CRB1: variants seen among roughly 807,000 people sequenced by gnomAD.
The protein encoded by CRB1 is crumbs cell polarity complex component 1.
CRB1 carries 83 observed loss-of-function variants against 120.0 expected under a neutral mutation model. The observed-to-expected ratio is 0.69, with a 90% CI of 0.58 to 0.83. The LOEUF (loss-of-function observed/expected upper bound fraction) is 0.83. Ranked by LOEUF, CRB1 falls within the 40% of genes least tolerant of loss-of-function variation. The probability of loss-of-function intolerance (pLI) is 0.00; values close to 1 mark genes in which losing one functional copy is unlikely to be tolerated. For missense variants in CRB1, 1,699 were observed against 1,687.6 expected (o/e 1.01, Z -0.12); for synonymous variants, 625 against 612.5 (o/e 1.02, Z -0.30).
the CRB1 span, among the ~76,000 whole-genome samples, chr1:197,231,129 A>G: frequency 6.6e-6 from 1 of 152,210 alleles, no homozygotes; most frequent in Non-Finnish European, 1.5e-5. Context: ...AGACAAGAAC[A>G]GAAGAAATTA....
intron 5 of CRB1, among the ~76,000 whole-genome samples, chr1:197,420,637 G>A (rs933105464): frequency 1.3e-5 from 2 of 152,162 alleles, no homozygotes; most frequent in South Asian, 2.1e-4. Flanking sequence ...AAAAAGTCTC[G>A]AAATAAATAA....
intron 5 of CRB1, among the ~76,000 whole-genome samples, chr1:197,388,653 T>C (rs1393729043): frequency 6.6e-6 from 1 of 151,958 alleles, no homozygotes; most frequent in Non-Finnish European, 1.5e-5. Context: ...TATGGAAGAG[T>C]TTATAATCTA....
chr1:197,347,520 T>C, intron 4 of CRB1, 41 bp downstream of exon 4: 1 of 1,599,324 alleles, frequency 6.3e-7, no homozygotes, highest in South Asian at 1.1e-5. Context: ...TTTTCATTTG[T>C]TTAGAATACA....
chr1:197,406,908 C>T (rs1663440053), intron 5 of CRB1, among the ~76,000 whole-genome samples: 1 of 152,176 alleles, frequency 6.6e-6, no homozygotes, highest in Non-Finnish European at 1.5e-5. Context: ...AAGGTGCTTA[C>T]TCCCATTTCA....
chr1:197,283,893 A>T (rs1178972971), intron 1 of CRB1, among the ~76,000 whole-genome samples: 1 of 151,832 alleles, frequency 6.6e-6, no homozygotes, highest in African/African-American at 2.4e-5. Flanking sequence ...AGAAGTAGCT[A>T]TATATAGACA....
the CRB1 span, among the ~76,000 whole-genome samples, chr1:197,252,351 G>A: frequency 2.3e-4 from 35 of 150,134 alleles, no homozygotes; most frequent in African/African-American, 8.1e-4. Context: ...TTTAGAGTTC[G>A]TCTTGCAAAC....
chr1:197,464,194 A>T (rs139040249), intron 11 of CRB1, among the ~76,000 whole-genome samples: 1 of 152,076 alleles, frequency 6.6e-6, no homozygotes, highest in Non-Finnish European at 1.5e-5. Flanking sequence ...TTTACACCCA[A>T]CGCCGTCAGT....
the CRB1 span, chr1:197,223,264 T>C: frequency 1.1e-6 from 1 of 936,430 alleles, no homozygotes; most frequent in East Asian, 2.4e-5. Flanking sequence ...GAATATTCCT[T>C]GTGCCAGAAT....
At chr1:197,422,911 A>G (rs957368563) in intron 6 of CRB1, 2 of 152,158 alleles carry the variant, frequency 1.3e-5, no homozygotes, top group African/African-American at 4.8e-5. Flanking sequence ...TTCCATGTTC[A>G]AATGTCTAAG....
intron 11 of CRB1, among the ~76,000 whole-genome samples, chr1:197,477,116 G>A (rs1371017522): frequency 6.6e-6 from 1 of 152,154 alleles, no homozygotes; most frequent in Non-Finnish European, 1.5e-5. Context: ...TGTTGAATCC[G>A]AATCAGAGTG....
chr1:197,387,380 CTGTT>C (rs964958970), intron 5 of CRB1, among the ~76,000 whole-genome samples: 3 of 152,050 alleles, frequency 2.0e-5, no homozygotes, highest in East Asian at 3.9e-4. Flanking sequence ...CTTTTGGACA[CTGTT>C]TGTAGAGAGG....
At chr1:197,462,738 C>T (rs1056119993) in intron 11 of CRB1, among the ~76,000 whole-genome samples, 7 of 152,064 alleles carry the variant, frequency 4.6e-5, no homozygotes, top group East Asian at 1.9e-4. Flanking sequence ...TGTAGTCAAA[C>T]GTAATCTAAG....
chr1:197,402,252 T>C (rs546511531), intron 5 of CRB1, among the ~76,000 whole-genome samples: 2 of 152,292 alleles, frequency 1.3e-5, no homozygotes, highest in Admixed American at 1.3e-4. Flanking sequence ...TGTTCCCTTC[T>C]TTGCGTTCAT....
At chr1:197,361,769 TAA>T (rs370146891) in intron 5 of CRB1, among the ~76,000 whole-genome samples, 3 of 151,350 alleles carry the variant, frequency 2.0e-5, no homozygotes, top group African/African-American at 7.3e-5. Flanking sequence ...TGATTTTTTT[TAA>T]AAAAATAGCT....
intron 5 of CRB1, among the ~76,000 whole-genome samples, chr1:197,376,194 G>A (rs942043954): frequency 1.2e-4 from 18 of 151,806 alleles, no homozygotes; most frequent in Non-Finnish European, 4.4e-5. Context: ...TTCACCCCTT[G>A]GAAAATCTCA....
chr1:197,304,976 G>A (rs993604734), intron 1 of CRB1, among the ~76,000 whole-genome samples: 1 of 152,160 alleles, frequency 6.6e-6, no homozygotes, highest in African/African-American at 2.4e-5. Flanking sequence ...TGAGAGTTCT[G>A]TAGTGTTCTG....
intron 5 of CRB1, among the ~76,000 whole-genome samples, chr1:197,363,450 A>T (rs1660889612): frequency 6.6e-6 from 1 of 152,016 alleles, no homozygotes; most frequent in Admixed American, 6.6e-5. Flanking sequence ...TTCATTCCTG[A>T]TAAGTAGTTT....
intron 8 of CRB1, 44 bp from the exon 9 acceptor site, chr1:197,434,662 T>C (rs1052700429): frequency 1.3e-6 from 2 of 1,537,864 alleles, no homozygotes; most frequent in Non-Finnish European, 1.8e-6. Context: ...AAGCAAACTA[T>C]AGATTTAATA....
intron 1 of CRB1, among the ~76,000 whole-genome samples, chr1:197,304,039 A>AC (rs571020997): frequency 7.9e-4 from 121 of 152,296 alleles, no homozygotes; most frequent in Admixed American, 1.5e-3. Flanking sequence ...TTTTGGAAAA[A>AC]TGGAAGAGTT....
Sources: allele counts gnomAD v4.1 joint callset (sites outside exome capture counted in the v4.1 genomes callset), GRCh38; gene constraint gnomAD v4.1.1; transcripts MANE v1.5; gene names NCBI Gene and HGNC (gene_info 2026-07-23, HGNC 2026-07-21).